Variants in SEC24B observed in about 807,000 individuals in gnomAD.
SEC24B encodes protein transport protein Sec24B.
A neutral mutation model predicts 142.8 loss-of-function variants in SEC24B; 45 were observed. The observed-to-expected ratio is 0.32, with a 90% CI of 0.25 to 0.40. SEC24B has a LOEUF of 0.40. Among genes scored for constraint, SEC24B ranks in the 10% least tolerant of loss-of-function variants. The pLI is 1.00. For synonymous variants in SEC24B, 574 were observed against 568.2 expected, an observed-to-expected ratio of 1.01 and a Z score of -0.15; for missense variants, 1,409 against 1,526.8, an observed-to-expected ratio of 0.92 and a Z score of 1.29.
In SEC24B at chr4:109,497,582, G is replaced by A. The variant is rs796337212; in HGVS notation, c.1488+2726G>A. Among the ~76,000 whole-genome samples the A allele has an allele frequency of 6.0e-5, 9 of 150,560 alleles. 1 individual carries two copies. Among genetic ancestry groups the A allele is most frequent in the African/African-American group, 2.0e-4 (8 of 40,676 alleles). ...TTTTTTTTTTTTTACATAATTGGAAGCATACCATATGTACTTGTGTCTAGA... is the reference window on the plus strand; with the variant it reads ...TTTTTTTTTTTTTACATAATTGGAAACATACCATATGTACTTGTGTCTAGA... On this transcript the variant is annotated intron_variant, in intron 6 of 23. Transcript: ENST00000265175.
intron 6 of SEC24B, among the ~76,000 whole-genome samples, chr4:109,497,879 C>T (rs1735693164): frequency 6.6e-6 from 1 of 152,126 alleles, no homozygotes; most frequent in African/African-American, 2.4e-5. Context: ...GACAGTTTGC[C>T]ACAGTGATAT....
At chr4:109,475,811 G>A (rs1016205430) in intron 3 of SEC24B, among the ~76,000 whole-genome samples, 1 of 151,852 alleles carries the variant, frequency 6.6e-6, no homozygotes, top group Non-Finnish European at 1.5e-5. Context: ...TTTCCTTAAT[G>A]TAATAATAAA....
intron 1 of SEC24B, among the ~76,000 whole-genome samples, chr4:109,443,612 A>G (rs1729133394): frequency 6.6e-6 from 1 of 152,038 alleles, no homozygotes; most frequent in African/African-American, 2.4e-5. Context: ...TGTGCTAGAT[A>G]CTCTGGGCAT....
intron 2 of SEC24B, among the ~76,000 whole-genome samples, chr4:109,467,862 T>A (rs1215509150): frequency 6.6e-6 from 1 of 152,216 alleles, no homozygotes; most frequent in Non-Finnish European, 1.5e-5. Flanking sequence ...CACAGTTTTA[T>A]ATAAAAGCAT....
chr4:109,526,299 T>A lies in SEC24B; in HGVS notation c.2865T>A (p.Asn955Lys). The change falls in exon 17 of 24, where the codon AAT (asparagine) becomes AAA (lysine). Residue 955 changes from asparagine to lysine, a missense_variant. Coordinates refer to ENST00000265175, the MANE Select transcript of SEC24B (RefSeq NM_006323.5). The stretch of plus-strand genomic sequence containing the variant: ...ATTTGTTATCCCTTGCCAACATCAA[T>A]CCTGATGCTGGATTTGCGGTGCAGT... ...STDLLSLANI[N>K]PDAGFAVQLS... 6.2e-7 allele frequency: 1 copy of A among 1,613,834 alleles called. No homozygotes were observed. The highest frequency in any genetic ancestry group is 8.5e-7 in the Non-Finnish European group (1 of 1,179,736).
At position 109,530,276 on chromosome 4, in the gene SEC24B, G is replaced by T. The variant is rs760284981; in HGVS notation, c.3077-13G>T. ...TAATGGTTAAAATACCTTTCACTTT[G>T]GTTGCTTTTTAGCTGTGGATCGGTC... is the stretch of plus-strand genomic sequence containing the variant. On this transcript the variant is annotated splice_polypyrimidine_tract_variant and intron_variant, in intron 18 of 23. Transcript: ENST00000265175. 1 of 1,603,648 alleles carries T rather than the reference G, an allele frequency of 6.2e-7. No homozygotes were observed.
chr4:109,509,982 C>T (rs1183167053), intron 7 of SEC24B, 27 bp from the exon 8 acceptor site: 3 of 1,398,374 alleles, frequency 2.1e-6, no homozygotes, highest in Non-Finnish European at 3.0e-6. Flanking sequence ...TAGCTAATAT[C>T]CTCCATGTTG....
intron 2 of SEC24B, among the ~76,000 whole-genome samples, chr4:109,472,460 C>T (rs575519185): frequency 4.6e-5 from 7 of 152,278 alleles, no homozygotes; most frequent in East Asian, 3.9e-4. Flanking sequence ...TACTTAGTTA[C>T]ATGTGAAATA....
chr4:109,515,871 C>G (rs6835195), intron 10 of SEC24B, among the ~76,000 whole-genome samples: 19,976 of 149,764 alleles, frequency 0.13, 4,119 homozygotes, highest in African/African-American at 0.44. Context: ...GAACCCCCCC[C>G]CACCCCCATC....
chr4:109,524,763 A>G (rs1478284344), intron 14 of SEC24B, 55 bp from the exon 15 acceptor site: 3 of 1,522,656 alleles, frequency 2.0e-6, no homozygotes, highest in Non-Finnish European at 2.7e-6. Context: ...TAAAAATGAC[A>G]TGAAAATATG....
chr4:109,524,822 TACA>T lies in SEC24B; in HGVS notation c.2517_2519del (p.Gln839del), dbSNP rs1292667522. On this transcript the variant is annotated inframe_deletion, in exon 15 of 24. Transcript: ENST00000265175. ...CTATATGATCTGTTGACTTAGGTGG[TACA>T]ACATCTTGGCCCTGCAACTGATTTT... The T allele has an allele frequency of 6.2e-7, 1 of 1,611,228 alleles. No individual in the cohort carries two copies. Among genetic ancestry groups the T allele is most frequent in the Non-Finnish European group, 8.5e-7 (1 of 1,178,590 alleles).
rs769810095 is a variant in SEC24B at position 109,538,602 on chromosome 4, T to C, written c.3692+6T>C. 5 of 1,538,580 alleles carry C rather than the reference T, an allele frequency of 3.2e-6. No individual in the cohort carries two copies. Among genetic ancestry groups the C allele is most frequent in the Middle Eastern group, 3.4e-4 (2 of 5,898 alleles). ...CCAATCCTTCACATAGTAAAGTAAG[T>C]ACTTTTGTAACTTAATTATGAAGTT... On this transcript the variant is annotated splice_donor_region_variant and intron_variant, in intron 23 of 23. Transcript: ENST00000265175.
At chr4:109,500,800 C>T (rs1178698399) in intron 6 of SEC24B, among the ~76,000 whole-genome samples, 3 of 151,754 alleles carry the variant, frequency 2.0e-5, no homozygotes, top group South Asian at 2.1e-4. Context: ...GGATTACAGG[C>T]GCCTGCCAGT....
Position 109,538,521 on chromosome 4 carries a change from C to T in SEC24B, c.3617C>T (p.Ser1206Leu). 2 of 1,613,026 alleles carry T rather than the reference C, an allele frequency of 1.2e-6. No individual in the cohort carries two copies. Among genetic ancestry groups the T allele is most frequent in the Non-Finnish European group, 1.7e-6 (2 of 1,179,076 alleles). The part of the protein sequence containing the change: ...MTHLPELDTL[S>L]SERARSFITW... ...CATCTTCCAGAGCTAGATACACTTT[C>T]ATCAGAAAGAGCCAGATCCTTCATA... The change falls in exon 23 of 24, where the codon TCA (serine) becomes TTA (leucine). Residue 1206 changes from serine to leucine, a missense_variant. Coordinates refer to ENST00000265175, the MANE Select transcript of SEC24B (RefSeq NM_006323.5).
At chr4:109,490,862 C>CAG (rs1250392731) in intron 4 of SEC24B, among the ~76,000 whole-genome samples, 1 of 152,036 alleles carries the variant, frequency 6.6e-6, no homozygotes, top group African/African-American at 2.4e-5. Flanking sequence ...ACCTAAGCCA[C>CAG]AGACTCCTCA....
At chr4:109,435,771 G>A (rs1024624819) in intron 1 of SEC24B, among the ~76,000 whole-genome samples, 1 of 152,170 alleles carries the variant, frequency 6.6e-6, no homozygotes, top group Non-Finnish European at 1.5e-5. Context: ...ACCAGTTGGG[G>A]ACTCAAGGTT....
At chr4:109,482,993 C>CATATAT (rs1393146684) in intron 4 of SEC24B, among the ~76,000 whole-genome samples, 1 of 107,734 alleles carries the variant, frequency 9.3e-6, no homozygotes, top group African/African-American at 3.9e-5. Context: ...CACACACACA[C>CATATAT]ACACACACAC....
chr4:109,439,760 C>G (rs1168360008), intron 1 of SEC24B, among the ~76,000 whole-genome samples: 3 of 150,758 alleles, frequency 2.0e-5, no homozygotes, highest in Non-Finnish European at 4.4e-5. Context: ...CTTAGCCTCC[C>G]AAAGTGCTGG....
rs76223996 is a variant in SEC24B at position 109,504,173 on chromosome 4, G to T, written c.1489-2155G>T. On this transcript the variant is annotated intron_variant, in intron 6 of 23. Coordinates refer to ENST00000265175, the MANE Select transcript of SEC24B (RefSeq NM_006323.5). ...ATCCCACCACCACTTTTCTTGCTGAGGATTTTAAAATTAGGGAGGTGGACA... is the reference window on the plus strand; with the variant it reads ...ATCCCACCACCACTTTTCTTGCTGATGATTTTAAAATTAGGGAGGTGGACA... 8.7e-3 allele frequency among the ~76,000 whole-genome samples: 1,317 copies of T among 152,088 alleles called. 23 individuals carry two copies. Among genetic ancestry groups the T allele is most frequent in the African/African-American group, 0.03 (1,257 of 41,464 alleles).
Sources: allele counts gnomAD v4.1 joint callset (sites outside exome capture counted in the v4.1 genomes callset), GRCh38; gene constraint gnomAD v4.1.1; transcripts MANE v1.5; gene names NCBI Gene and HGNC (gene_info 2026-07-23, HGNC 2026-07-21).